Variants in DST observed in about 807,000 individuals in gnomAD.
The protein encoded by DST is dystonin.
Under a neutral mutation model 875.2 loss-of-function variants are expected in DST, and 253 were observed. The observed-to-expected ratio is 0.29, with a 90% CI of 0.26 to 0.32. The LOEUF is 0.32. Among genes scored for constraint, DST ranks in the 10% least tolerant of loss-of-function variants. The pLI is 1.00. For synonymous variants in DST, 3,124 were observed against 3,197.1 expected (o/e 0.98, Z 0.77); for missense variants, 8,287 against 9,111.6 (o/e 0.91, Z 3.68).
intron 4 of DST, among the ~76,000 whole-genome samples, chr6:56,813,969 C>A (rs1472112268): frequency 6.6e-6 from 1 of 152,118 alleles, no homozygotes; most frequent in Non-Finnish European, 1.5e-5. Flanking sequence ...AAAAAAGTTA[C>A]CATGTAGTCA....
chr6:56,710,332 T>C (rs1241911183), intron 5 of DST, among the ~76,000 whole-genome samples: 1 of 152,182 alleles, frequency 6.6e-6, no homozygotes, highest in South Asian at 2.1e-4. Flanking sequence ...AGAAGTTCTA[T>C]ATCTAAAGGA....
At position 56,572,997 on chromosome 6, in the gene DST, A is replaced by T. The variant is rs764883239; in HGVS notation, c.13304T>A (p.Phe4435Tyr). Residue 4435 changes from phenylalanine to tyrosine, a missense_variant, in exon 52 of 104, where the codon TTT (phenylalanine) becomes TAT (tyrosine). Phe to Tyr is a conservative substitution (Grantham distance 22, BLOSUM62 3). This residue lies in a region of DST where 1,513 missense variants were observed against 1,677.8 expected (regional missense o/e 0.90). Coordinates refer to ENST00000680361, the MANE Select transcript of DST (RefSeq NM_001374736.1). ...INAMNEKVKK[F>Y]METTDPSTAS... ...AGTGGATGGATCTGTTGTTTCCATA[A>T]ATTTCTTCACTTTTTCATTCATGGC... 2.5e-6 allele frequency: 4 copies of T among 1,607,684 alleles called. No homozygotes were observed. The South Asian group carries it at 3.3e-5, about 13-fold the overall frequency.
chr6:56,785,165 C>A (rs1435582365), intron 4 of DST, among the ~76,000 whole-genome samples: 2 of 152,184 alleles, frequency 1.3e-5, no homozygotes, highest in African/African-American at 2.4e-5. Context: ...TTAGGCTGCT[C>A]GGGGACCCAC....
At chr6:56,911,929 A>G (rs1798953734) in intron 2 of DST, among the ~76,000 whole-genome samples, 1 of 152,192 alleles carries the variant, frequency 6.6e-6, no homozygotes. Flanking sequence ...TCAATACTAC[A>G]TAAGATTTTG....
intron 36 of DST, chr6:56,617,984 A>G: frequency 6.2e-7 from 1 of 1,611,548 alleles, no homozygotes; most frequent in Non-Finnish European, 8.5e-7. Context: ...CACAGAGTAT[A>G]CCTCTAAGGG....
At chr6:56,496,947 AG>A (rs2095931410) in intron 82 of DST, among the ~76,000 whole-genome samples, 1 of 152,014 alleles carries the variant, frequency 6.6e-6, no homozygotes, top group Non-Finnish European at 1.5e-5. Context: ...TCTCACTCAT[AG>A]GTGGGAACTG....
intron 61 of DST, among the ~76,000 whole-genome samples, chr6:56,537,210 A>G (rs1408550808): frequency 6.6e-6 from 1 of 152,256 alleles, no homozygotes; most frequent in Non-Finnish European, 1.5e-5. Flanking sequence ...AGAAGACAGT[A>G]CATGTCTCCT....
intron 61 of DST, among the ~76,000 whole-genome samples, chr6:56,539,945 T>C (rs1184179390): frequency 2.0e-5 from 3 of 152,184 alleles, no homozygotes; most frequent in Non-Finnish European, 4.4e-5. Context: ...AATGGCAGTG[T>C]CTTTACCACA....
intron 8 of DST, among the ~76,000 whole-genome samples, chr6:56,701,585 G>A (rs1279637419): frequency 6.6e-6 from 1 of 152,024 alleles, no homozygotes; most frequent in Non-Finnish European, 1.5e-5. Flanking sequence ...ACATTCTATT[G>A]CTACTAAAAT....
intron 86 of DST, among the ~76,000 whole-genome samples, chr6:56,488,118 T>C (rs1210703565): frequency 6.6e-6 from 1 of 152,220 alleles, no homozygotes; most frequent in African/African-American, 2.4e-5. Flanking sequence ...AATCACATTA[T>C]TTCTACAGTT....
At chr6:56,615,060 A>AAGAC in intron 36 of DST, 1 of 1,004,274 alleles carries the variant, frequency 1.0e-6, no homozygotes. Flanking sequence ...TTTTTGAAGC[A>AAGAC]ATCTAAAACA....
rs2098467588 is a variant in DST, at chr6:56,603,726, T to C, written c.10792-13A>G. On this transcript the variant is annotated splice_polypyrimidine_tract_variant and intron_variant, in intron 40 of 103. Transcript: ENST00000680361. ...ATTCACTGGAAAACTAAAAACAAAG[T>C]TGGACATTTTAATTCAATAACCTTT... 6.3e-7 allele frequency: 1 copy of C among 1,590,656 alleles called. No individual in the cohort carries two copies. The highest frequency in any genetic ancestry group is 8.5e-7 in the Non-Finnish European group (1 of 1,171,240).
intron 16 of DST, 132 bp from the exon 17 acceptor site, chr6:56,642,233 G>C (rs914324583): frequency 1.1e-6 from 1 of 905,758 alleles, no homozygotes; most frequent in Non-Finnish European, 1.8e-6. Flanking sequence ...TCAAAAATAT[G>C]TTTTCCCTCT....
At chr6:56,899,351 G>A (rs1419148274) in intron 3 of DST, among the ~76,000 whole-genome samples, 1 of 152,054 alleles carries the variant, frequency 6.6e-6, no homozygotes, top group Non-Finnish European at 1.5e-5. Context: ...TTCTAAATAT[G>A]TACTTTTTTT....
chr6:56,741,046 T>C (rs959727242), intron 4 of DST, among the ~76,000 whole-genome samples: 2 of 152,192 alleles, frequency 1.3e-5, no homozygotes, highest in African/African-American at 4.8e-5. Context: ...AGATTTCTTC[T>C]TTTCTAAGTG....
At chr6:56,522,836 A>C (rs1464659759) in intron 69 of DST, among the ~76,000 whole-genome samples, 3 of 151,196 alleles carry the variant, frequency 2.0e-5, no homozygotes, top group Non-Finnish European at 4.5e-5. Context: ...CATTATAAGA[A>C]GCAAAGGATG....
intron 4 of DST, among the ~76,000 whole-genome samples, chr6:56,824,589 T>C (rs1433077824): frequency 1.3e-5 from 2 of 149,452 alleles, no homozygotes; most frequent in African/African-American, 5.0e-5. Context: ...GCCCATCGTC[T>C]GAGATGTGGG....
At chr6:56,628,221 G>T in intron 32 of DST, 60 bp from the exon 33 acceptor site, 1 of 1,432,240 alleles carries the variant, frequency 7.0e-7, no homozygotes, top group African/African-American at 1.4e-5. Context: ...GAGGGTGGAA[G>T]ATGTAGAGAT....
At chr6:56,642,307 A>G in intron 16 of DST, 103 bp downstream of exon 16, 3 of 927,496 alleles carry the variant, frequency 3.2e-6, no homozygotes, top group Non-Finnish European at 5.3e-6. Flanking sequence ...TTCAGTGGAG[A>G]GTATTACGAA....
Sources: allele counts gnomAD v4.1 joint callset (sites outside exome capture counted in the v4.1 genomes callset), GRCh38; gene constraint gnomAD v4.1.1; regional missense constraint gnomAD v4.1.1; transcripts MANE v1.5; gene names NCBI Gene and HGNC (gene_info 2026-07-23, HGNC 2026-07-21).